The following TRIOBP variants were observed in gnomAD, a reference collection of about 807,000 sequenced individuals.
The protein encoded by TRIOBP is TRIO and F-actin binding protein.
Under a neutral mutation model 238.8 loss-of-function variants are expected in TRIOBP, and 169 were observed. The ratio of observed to expected loss-of-function variants is 0.71; its 90% CI spans 0.62 to 0.80. TRIOBP has a LOEUF of 0.80. Ranked by LOEUF, TRIOBP falls within the 30% of genes least tolerant of loss-of-function variation. The pLI is 0.00. For synonymous variants in TRIOBP, 1,150 were observed against 1,274.4 expected (o/e 0.90, Z 2.08); for missense variants, 2,838 against 3,122.6 (o/e 0.91, Z 2.17).
chr22:37,713,854 T>C lies in TRIOBP; in HGVS notation c.456+443T>C, dbSNP rs145384906. On this transcript the variant is annotated intron_variant, in intron 5 of 23. Transcript: ENST00000644935. The stretch of plus-strand genomic sequence containing the variant: ...GAAAGGGAGCAGGCTGCGGGGGTCA[T>C]TTAACCACGAAAAGAGAAGAGCCAG... Among the ~76,000 whole-genome samples the C allele has an allele frequency of 8.4e-3, 1,275 of 152,250 alleles. 17 individuals carry two copies. The highest frequency in any genetic ancestry group is 0.029 in the African/African-American group (1,202 of 41,542).
At chr22:37,752,224 C>T (rs1925652260) in intron 12 of TRIOBP, among the ~76,000 whole-genome samples, 1 of 152,200 alleles carries the variant, frequency 6.6e-6, no homozygotes, top group Non-Finnish European at 1.5e-5. Flanking sequence ...GTTTCACCCA[C>T]CTGGATCCCC....
rs769690548 is a variant in TRIOBP at position 37,701,411 on chromosome 22, A to C, written c.46A>C (p.Asn16His). 4 of 1,613,976 alleles carry C rather than the reference A, an allele frequency of 2.5e-6. No homozygotes were observed. Among genetic ancestry groups the C allele is most frequent in the Non-Finnish European group, 3.4e-6 (4 of 1,179,978 alleles). ...TGCCCTGTGTGAACACTTTGAGGCC[A>C]ACATACTTACCCAGAACCGCTGTCA... Reference protein sequence around the residue: ...GDALCEHFEANILTQNRCQNC... With the variant: ...GDALCEHFEAHILTQNRCQNC... The change falls in exon 3 of 24, where the codon AAC (asparagine) becomes CAC (histidine). Residue 16 changes from asparagine (N) to histidine (H), a missense_variant. Physicochemically the swap from Asn to His is moderately conservative, Grantham distance 68 (BLOSUM62 1). Around this residue, in one of 5 missense-constraint regions of TRIOBP, gnomAD observed 535 missense variants for 537.3 expected, o/e 1.00. Coordinates refer to ENST00000644935, the MANE Select transcript of TRIOBP (RefSeq NM_001039141.3).
chr22:37,771,517 T>A (rs961906559), intron 21 of TRIOBP, 133 bp from the exon 22 acceptor site: 60 of 757,930 alleles, frequency 7.9e-5, no homozygotes, highest in Non-Finnish European at 6.1e-5. Context: ...GCCTCCAGGA[T>A]GTAGAGGGTT....
chr22:37,741,535 C>T (rs1924934306), intron 11 of TRIOBP, among the ~76,000 whole-genome samples: 1 of 152,228 alleles, frequency 6.6e-6, no homozygotes, highest in African/African-American at 2.4e-5. Context: ...CGCTCCCTCC[C>T]ACCCGCTTCA....
chr22:37,749,830 A>G (rs1401239593), intron 11 of TRIOBP, among the ~76,000 whole-genome samples: 2 of 150,832 alleles, frequency 1.3e-5, no homozygotes, highest in Non-Finnish European at 2.9e-5. Context: ...TGGAGTGCTT[A>G]TGTCGTCCCG....
At chr22:37,719,202 CAAATAAAT>C (rs57821341) in intron 6 of TRIOBP, among the ~76,000 whole-genome samples, 102,103 of 145,656 alleles carry the variant, frequency 0.7, 36,519 homozygotes, top group African/African-American at 0.86. Context: ...GACTCCATCT[CAAATAAAT>C]AAATAAATAA....
chr22:37,767,436 C>T (rs766306811), intron 18 of TRIOBP, among the ~76,000 whole-genome samples: 1 of 152,192 alleles, frequency 6.6e-6, no homozygotes, highest in African/African-American at 2.4e-5. Context: ...CTTAGGAGCT[C>T]ACAATCTGAG....
chr22:37,760,555 G>A (rs1926190257), intron 17 of TRIOBP, among the ~76,000 whole-genome samples: 1 of 152,202 alleles, frequency 6.6e-6, no homozygotes, highest in Non-Finnish European at 1.5e-5. Context: ...CTATTGCCTT[G>A]TCTTTAACAT....
chr22:37,743,506 C>T (rs942439670), intron 11 of TRIOBP, among the ~76,000 whole-genome samples: 7 of 152,162 alleles, frequency 4.6e-5, no homozygotes, highest in Admixed American at 6.5e-5. Flanking sequence ...TCATTCGAGC[C>T]GTGCTTACGG....
chr22:37,713,181 T>C, intron 4 of TRIOBP, 29 bp from the exon 5 acceptor site: 4 of 1,598,420 alleles, frequency 2.5e-6, no homozygotes, highest in Non-Finnish European at 3.4e-6. Flanking sequence ...TAACTCCCCA[T>C]TACTTTTTGG....
intron 2 of TRIOBP, among the ~76,000 whole-genome samples, chr22:37,698,759 T>C (rs1922488217): frequency 6.6e-6 from 1 of 151,948 alleles, no homozygotes; most frequent in South Asian, 2.1e-4. Context: ...GGAGAATCAT[T>C]TGAGCCCGGG....
chr22:37,741,438 C>T (rs1163710280), intron 11 of TRIOBP, among the ~76,000 whole-genome samples: 2 of 152,182 alleles, frequency 1.3e-5, no homozygotes, highest in East Asian at 3.8e-4. Context: ...AAACATCTGG[C>T]GTTACGTAAC....
At chr22:37,759,786 G>A in intron 17 of TRIOBP, 1 of 1,365,922 alleles carries the variant, frequency 7.3e-7, no homozygotes, top group Non-Finnish European at 9.5e-7. Context: ...TCCCCCTTGG[G>A]GACATTTGGC....
At position 37,759,248 on chromosome 22, in the gene TRIOBP, C is replaced by G. The variant is rs200250028; in HGVS notation, c.6308C>G (p.Pro2103Arg). The G allele has an allele frequency of 1.9e-6, 3 of 1,612,980 alleles. No homozygotes were observed. Among genetic ancestry groups the G allele is most frequent in the Non-Finnish European group, 2.5e-6 (3 of 1,179,794 alleles). The change falls in exon 17 of 24, where the codon CCG becomes CGG. Residue 2103 changes from proline to arginine, a missense_variant. Pro to Arg is a moderately radical substitution (Grantham distance 103). Coordinates refer to ENST00000644935, the MANE Select transcript of TRIOBP (RefSeq NM_001039141.3). ...LRSQEDGHIP[P>R]GYISQEACER... ...TCCCAGGAGGATGGCCACATCCCCC[C>G]GGGCTACATCTCACAGGTAAGGCCG... is the stretch of plus-strand genomic sequence containing the variant.
intron 17 of TRIOBP, among the ~76,000 whole-genome samples, chr22:37,763,938 C>T (rs947622103): frequency 2.6e-5 from 4 of 152,246 alleles, no homozygotes; most frequent in Non-Finnish European, 5.9e-5. Context: ...TGGCCGTCCG[C>T]GTCCCTTGGC....
rs1925828402 is a variant in TRIOBP, at chr22:37,754,865, T to C, written c.5380-12T>C. On this transcript the variant is annotated splice_polypyrimidine_tract_variant and intron_variant, in intron 12 of 23. Coordinates refer to ENST00000644935, the MANE Select transcript of TRIOBP (RefSeq NM_001039141.3). ...CACACACACTGGCTCTTTCATTCCA[T>C]CCTCCTTGCAGCCTCCCTCCCCCTC... 2 of 1,613,578 alleles carry C rather than the reference T, an allele frequency of 1.2e-6. No homozygotes were observed. Among genetic ancestry groups the C allele is most frequent in the Non-Finnish European group, 1.7e-6 (2 of 1,179,610 alleles).
chr22:37,701,162 A>G, intron 2 of TRIOBP, 144 bp from the exon 3 acceptor site: 1 of 557,882 alleles, frequency 1.8e-6, no homozygotes, highest in Non-Finnish European at 3.3e-6. Flanking sequence ...ATGAACAGGA[A>G]TGGATGGAGA....
chr22:37,751,930 C>T, intron 12 of TRIOBP, 102 bp downstream of exon 12: 1 of 364,966 alleles, frequency 2.7e-6, no homozygotes, highest in Non-Finnish European at 5.4e-6. Context: ...TGTGAGAACC[C>T]TGGGGGTGGG....
At chr22:37,758,179 A>C in intron 16 of TRIOBP, 41 bp downstream of exon 16, 1 of 1,607,152 alleles carries the variant, frequency 6.2e-7, no homozygotes, top group Non-Finnish European at 8.5e-7. Flanking sequence ...CCCTTGCCCC[A>C]GCGCCCCTCC....
Sources: allele counts gnomAD v4.1 joint callset (sites outside exome capture counted in the v4.1 genomes callset), GRCh38; gene constraint gnomAD v4.1.1; regional missense constraint gnomAD v4.1.1; transcripts MANE v1.5; gene names NCBI Gene and HGNC (gene_info 2026-07-23, HGNC 2026-07-21).